The following CATSPER3 variants were observed in gnomAD, a reference collection of about 807,000 sequenced individuals.
CATSPER3 encodes cation channel sperm associated 3.
Under a neutral mutation model 36.6 loss-of-function variants are expected in CATSPER3, and 23 were observed. The ratio of observed to expected loss-of-function variants is 0.63; its 90% CI spans 0.45 to 0.89. The LOEUF (loss-of-function observed/expected upper bound fraction) is 0.89, where lower values mean the gene tolerates loss of function less well. Ranked by LOEUF, CATSPER3 falls within the 40% of genes least tolerant of loss-of-function variation. The pLI is 0.00. For synonymous variants in CATSPER3, 172 were observed against 184.1 expected (o/e 0.93, Z 0.53); for missense variants, 474 against 503.9 (o/e 0.94, Z 0.57).
At chr5:135,008,681 C>T (rs533817748) in intron 4 of CATSPER3, among the ~76,000 whole-genome samples, 160 bp from the exon 5 acceptor site, 3 of 152,186 alleles carry the variant, frequency 2.0e-5, no homozygotes, top group Non-Finnish European at 2.9e-5. Flanking sequence ...CAGGCCATCA[C>T]GTATGTGCTG....
chr5:135,010,348 T>G, intron 6 of CATSPER3, 25 bp from the exon 7 acceptor site: 1 of 1,610,984 alleles, frequency 6.2e-7, no homozygotes. Flanking sequence ...TCATCACTGC[T>G]CTCTCGTTAT....
chr5:135,009,855 A>G (rs986196776), intron 6 of CATSPER3, among the ~76,000 whole-genome samples: 2 of 152,212 alleles, frequency 1.3e-5, no homozygotes, highest in African/African-American at 4.8e-5. Context: ...GAGGATGCAG[A>G]GGCTCTGACA....
At chr5:135,002,345 T>C (rs1752031926) in intron 3 of CATSPER3, among the ~76,000 whole-genome samples, 1 of 152,258 alleles carries the variant, frequency 6.6e-6, no homozygotes, top group Non-Finnish European at 1.5e-5. Context: ...GTTAGTCTGA[T>C]GGGCTTCCCT....
chr5:134,995,305 G>GA (rs1751931416), intron 2 of CATSPER3, among the ~76,000 whole-genome samples: 1 of 151,638 alleles, frequency 6.6e-6, no homozygotes, highest in East Asian at 1.9e-4. Flanking sequence ...CTGGCCTCTG[G>GA]TAACCACTAG....
At chr5:134,979,729 G>C (rs1751724880) in intron 2 of CATSPER3, among the ~76,000 whole-genome samples, 1 of 152,172 alleles carries the variant, frequency 6.6e-6, no homozygotes, top group African/African-American at 2.4e-5. Context: ...AATTTAGAAA[G>C]CATTCATGCC....
intron 2 of CATSPER3, among the ~76,000 whole-genome samples, chr5:134,991,320 G>T (rs1751875672): frequency 6.6e-6 from 1 of 151,850 alleles, no homozygotes; most frequent in African/African-American, 2.4e-5. Flanking sequence ...TATGTAAAAG[G>T]CCCCAAATAG....
At chr5:134,974,034 A>T (rs747905628) in intron 2 of CATSPER3, among the ~76,000 whole-genome samples, 7 of 152,210 alleles carry the variant, frequency 4.6e-5, no homozygotes, top group Non-Finnish European at 7.3e-5. Flanking sequence ...ATGATAGAAT[A>T]TCACAGTTTT....
intron 3 of CATSPER3, among the ~76,000 whole-genome samples, chr5:135,003,631 C>T (rs1318090673): frequency 1.3e-5 from 2 of 152,228 alleles, no homozygotes; most frequent in African/African-American, 2.4e-5. Flanking sequence ...GCTTTGTTTA[C>T]CTACTCAAGC....
intron 2 of CATSPER3, among the ~76,000 whole-genome samples, chr5:134,978,455 T>C (rs1267106591): frequency 6.6e-6 from 1 of 151,900 alleles, no homozygotes. Flanking sequence ...AAAAACAAAA[T>C]AAACGTTAAA....
At chr5:134,980,591 C>T (rs925674747) in intron 2 of CATSPER3, among the ~76,000 whole-genome samples, 4 of 151,838 alleles carry the variant, frequency 2.6e-5, no homozygotes, top group African/African-American at 7.2e-5. Context: ...CCACCACACC[C>T]AGCTAATTTT....
intron 2 of CATSPER3, among the ~76,000 whole-genome samples, chr5:134,980,470 C>T (rs1282326727): frequency 3.8e-5 from 5 of 132,004 alleles, no homozygotes; most frequent in Admixed American, 2.6e-4. Context: ...CTTGCTCTGT[C>T]ACCAGGCTGG....
intron 2 of CATSPER3, 96 bp from the exon 3 acceptor site, chr5:134,996,177 T>C: frequency 6.6e-7 from 1 of 1,520,066 alleles, no homozygotes; most frequent in Non-Finnish European, 9.1e-7. Flanking sequence ...GTGGGTGACT[T>C]AGGAGCACCC....
Position 135,006,463 on chromosome 5 carries a change from T to C in CATSPER3, c.493-1494T>C, listed in dbSNP as rs539056703. Among the ~76,000 whole-genome samples the C allele has an allele frequency of 3.5e-4, 53 of 152,270 alleles. No homozygotes were observed. The South Asian group carries it at 0.011, about 31-fold the overall frequency. On this transcript the variant is annotated intron_variant, in intron 3 of 7. Transcript: ENST00000282611. ...AGACCATATCTCATCACAGCTTTTCTCATGAGGATTTACTGCTTTCATCTT... is the reference window on the plus strand; with the variant it reads ...AGACCATATCTCATCACAGCTTTTCCCATGAGGATTTACTGCTTTCATCTT...
chr5:134,997,142 A>G (rs1398309496), intron 3 of CATSPER3, among the ~76,000 whole-genome samples: 5 of 152,162 alleles, frequency 3.3e-5, no homozygotes, highest in African/African-American at 1.2e-4. Context: ...CTCTGCACCC[A>G]GTGTCCATCC....
At chr5:134,998,779 T>A (rs1687120701) in intron 3 of CATSPER3, among the ~76,000 whole-genome samples, 1 of 152,204 alleles carries the variant, frequency 6.6e-6, no homozygotes, top group South Asian at 2.1e-4. Flanking sequence ...TGATTTTTTC[T>A]TGTAAATTTA....
intron 2 of CATSPER3, among the ~76,000 whole-genome samples, chr5:134,985,740 T>C (rs965577479): frequency 6.7e-6 from 1 of 149,212 alleles, no homozygotes; most frequent in African/African-American, 2.5e-5. Context: ...GGGACCCCCA[T>C]CTATTAAAAA....
At position 135,000,356 on chromosome 5, in the gene CATSPER3, A is replaced by C. The variant is rs1180990204; in HGVS notation, c.492+3844A>C. On this transcript the variant is annotated intron_variant, in intron 3 of 7. Transcript: ENST00000282611. ...ATTGAGGATTTTTGCATTGATGTTC[A>C]TCAGGGATATTGGTCTAAAATTCTC... 2.6e-5 allele frequency among the ~76,000 whole-genome samples: 4 copies of C among 152,344 alleles called. No individual in the cohort carries two copies. In the East Asian group the frequency reaches 7.7e-4, roughly 29 times the overall value.
chr5:134,992,676 A>G (rs1751892950), intron 2 of CATSPER3, among the ~76,000 whole-genome samples: 1 of 152,072 alleles, frequency 6.6e-6, no homozygotes. Flanking sequence ...AGTGAGACTC[A>G]GATCATGCCA....
At chr5:134,984,203 A>T (rs758718381) in intron 2 of CATSPER3, among the ~76,000 whole-genome samples, 2 of 152,010 alleles carry the variant, frequency 1.3e-5, no homozygotes, top group Non-Finnish European at 1.5e-5. Flanking sequence ...CCTGGGAAAA[A>T]CTCTTCTGGA....
Sources: gnomAD v4.1 joint callset for allele counts (sites outside exome capture counted in the v4.1 genomes callset) on GRCh38, gnomAD v4.1.1 for gene constraint, MANE v1.5 for transcripts, NCBI Gene and HGNC (gene_info 2026-07-23, HGNC 2026-07-21) for gene names.